The following MYSM1 variants were observed in gnomAD, a reference collection of about 807,000 sequenced individuals.
MYSM1 encodes the protein Myb like, SWIRM and MPN domains 1, also known as deubiquitinase MYSM1.
In MYSM1, 51 loss-of-function variants were observed where a neutral mutation model predicts 116.0. That is an observed-to-expected ratio of 0.44 (90% CI 0.35 to 0.56). The LOEUF (loss-of-function observed/expected upper bound fraction) is 0.56, where lower values mean the gene tolerates loss of function less well. Ranked by LOEUF, MYSM1 falls within the 20% of genes least tolerant of loss-of-function variation. MYSM1 has a pLI of 0.00. For missense variants in MYSM1, 900 were observed against 974.9 expected (o/e 0.92, Z 1.02); for synonymous variants, 313 against 315.2 (o/e 0.99, Z 0.07).
chr1:58,678,962 T>C (rs773347704), intron 8 of MYSM1, among the ~76,000 whole-genome samples: 2 of 152,198 alleles, frequency 1.3e-5, no homozygotes, highest in African/African-American at 4.8e-5. Flanking sequence ...ATTTTTCTTA[T>C]CTATAAAGTG....
intron 2 of MYSM1, among the ~76,000 whole-genome samples, chr1:58,694,697 C>A (rs1485354209): frequency 6.6e-6 from 1 of 151,296 alleles, no homozygotes; most frequent in Non-Finnish European, 1.5e-5. Context: ...GAGACCGGGT[C>A]TCATTCTGTT....
intron 9 of MYSM1, 46 bp from the exon 10 acceptor site, chr1:58,675,626 C>A (rs1219821971): frequency 6.8e-7 from 1 of 1,479,702 alleles, no homozygotes; most frequent in Non-Finnish European, 9.3e-7. Flanking sequence ...TTTTGTGAAA[C>A]TCATTTGTTA....
At chr1:58,679,934 G>A (rs917058947) in intron 8 of MYSM1, among the ~76,000 whole-genome samples, 4 of 149,562 alleles carry the variant, frequency 2.7e-5, no homozygotes, top group Non-Finnish European at 5.9e-5. Context: ...AGCTGAGGCA[G>A]AAGAATCACT....
rs767007294 is a variant in MYSM1, at chr1:58,660,072, C to T, written c.2412G>A (p.Leu804=). Residue 804 remains leucine, a synonymous_variant, in exon 20 of 20, where the codon TTG becomes TTA. Coordinates refer to ENST00000472487, the MANE Select transcript of MYSM1 (RefSeq NM_001085487.3). ...AEEFLTEIEN[L]FLSNYKSNQE... is the part of the protein sequence containing the mutation. ...GGTTGCTTTTATAATTGGAAAGGAA[C>T]AAATTTTCTATTTCAGTCAAGAATT... The T allele has an allele frequency of 1.7e-5, 28 of 1,610,874 alleles. No homozygotes were observed. The highest frequency in any genetic ancestry group is 2.2e-5 in the Non-Finnish European group (26 of 1,178,140).
In MYSM1 at chr1:58,695,176, T is replaced by C. The variant is rs1318767996; in HGVS notation, c.100A>G (p.Lys34Glu). The C allele has an allele frequency of 6.2e-7, 1 of 1,605,446 alleles. No homozygotes were observed. ...SGENTASVLQ[K>E]DHYLDSSWRT... ...CAAGATGAATCAAGATAGTGATCTT[T>C]TTGTAAAACTGATGCTGTATTTTCA... is the stretch of plus-strand genomic sequence containing the variant. The change falls in exon 2 of 20, where the codon AAA (lysine) becomes GAA (glutamate). Residue 34 changes from lysine (K) to glutamate (E), a missense_variant. Coordinates refer to ENST00000472487, the MANE Select transcript of MYSM1 (RefSeq NM_001085487.3).
intron 12 of MYSM1, among the ~76,000 whole-genome samples, chr1:58,669,891 A>T (rs952763588): frequency 6.6e-6 from 1 of 151,010 alleles, no homozygotes; most frequent in African/African-American, 2.4e-5. Context: ...AAAAGAGGTG[A>T]AAAAGAGAGA....
chr1:58,693,399 C>T (rs1322173475), intron 2 of MYSM1, among the ~76,000 whole-genome samples: 2 of 152,142 alleles, frequency 1.3e-5, no homozygotes, highest in Non-Finnish European at 2.9e-5. Context: ...GGCCATAATA[C>T]CCAACAGCCC....
intron 19 of MYSM1, among the ~76,000 whole-genome samples, chr1:58,660,798 TATTTAA>T (rs1294572558): frequency 6.6e-6 from 1 of 152,128 alleles, no homozygotes; most frequent in Non-Finnish European, 1.5e-5. Flanking sequence ...ATAAAATGAC[TATTTAA>T]ATTTAATTGT....
At chr1:58,687,398 G>A (rs1644842333) in intron 6 of MYSM1, among the ~76,000 whole-genome samples, 1 of 152,038 alleles carries the variant, frequency 6.6e-6, no homozygotes, top group South Asian at 2.1e-4. Context: ...ATAACTTTAG[G>A]AACCTTTTGA....
rs1184486071 is a variant in MYSM1 at position 58,659,297 on chromosome 1, C to T, written c.*700G>A. The T allele has an allele frequency of 5.3e-5, 8 of 152,066 alleles. No homozygotes were observed. Among genetic ancestry groups the T allele is most frequent in the Non-Finnish European group, 1.0e-4 (7 of 68,024 alleles). The allele number at this position is 152,066 out of a possible 1,614,324, so 9.4% of individuals were successfully genotyped here. On this transcript the variant is annotated 3_prime_UTR_variant, in exon 20 of 20. Transcript: ENST00000472487. ...TCACACCTACTAATGTAAGTGGACTCACAATTGAAGCTAATTATTTTATGT... is the reference window on the plus strand; with the variant it reads ...TCACACCTACTAATGTAAGTGGACTTACAATTGAAGCTAATTATTTTATGT...
intron 17 of MYSM1, among the ~76,000 whole-genome samples, chr1:58,663,343 AT>A (rs1261729058): frequency 7.2e-5 from 11 of 152,152 alleles, no homozygotes; most frequent in African/African-American, 2.7e-4. Context: ...TATAGAGAAT[AT>A]TTTTATCCAC....
intron 10 of MYSM1, among the ~76,000 whole-genome samples, chr1:58,674,182 CA>C (rs1288564753): frequency 1.3e-5 from 2 of 151,946 alleles, no homozygotes; most frequent in African/African-American, 4.8e-5. Context: ...TTTTTAAGAT[CA>C]AAAAGAACCA....
chr1:58,664,525 T>C (rs1644439607), intron 17 of MYSM1, among the ~76,000 whole-genome samples: 1 of 152,166 alleles, frequency 6.6e-6, no homozygotes, highest in Non-Finnish European at 1.5e-5. Flanking sequence ...AAAGTGACCA[T>C]GAAGGCAGGA....
chr1:58,659,684 C>T lies in MYSM1; in HGVS notation c.*313G>A, dbSNP rs1644364390. 1 of 185,652 alleles carries T rather than the reference C, an allele frequency of 5.4e-6. No homozygotes were observed. Among genetic ancestry groups the T allele is most frequent in the Non-Finnish European group, 1.1e-5 (1 of 91,122 alleles). The allele number at this position is 185,652 out of a possible 1,614,324, so 11.5% of individuals were successfully genotyped here. ...GTTCAGGGAAGAAATGACTTAGAGA[C>T]ATAGTCCAAATCCCAAGCTGAACAC... On this transcript the variant is annotated 3_prime_UTR_variant, in exon 20 of 20. Transcript: ENST00000472487.
chr1:58,664,549 G>A (rs904216128), intron 17 of MYSM1, among the ~76,000 whole-genome samples: 4 of 152,160 alleles, frequency 2.6e-5, no homozygotes, highest in Non-Finnish European at 5.9e-5. Context: ...AAGTGTTGCA[G>A]ATACATAAAG....
intron 12 of MYSM1, among the ~76,000 whole-genome samples, chr1:58,669,608 C>T (rs572778867): frequency 6.6e-6 from 1 of 152,132 alleles, no homozygotes; most frequent in African/African-American, 2.4e-5. Context: ...GGGCAGACCC[C>T]TTGAGCCTAG....
Position 58,673,632 on chromosome 1 carries a change from C to A in MYSM1, c.1513G>T (p.Val505Phe). The change falls in exon 11 of 20, where the codon GTC (valine) becomes TTC (phenylalanine). Residue 505 changes from valine to phenylalanine, a missense_variant. This residue lies in a region of MYSM1 where 622 missense variants were observed against 623.7 expected (regional missense o/e 1.00). Transcript: ENST00000472487. ...LQSMRTRRRR[V>F]RDPWGNWCDA... ...CACCAGTTTCCCCATGGGTCTCGGA[C>A]CCTACGTCTCCTTGTACGCTGCGAT... 6.2e-7 allele frequency: 1 copy of A among 1,613,954 alleles called. No individual in the cohort carries two copies. The highest frequency in any genetic ancestry group is 8.5e-7 in the Non-Finnish European group (1 of 1,179,898).
intron 5 of MYSM1, 42 bp downstream of exon 5, chr1:58,690,184 C>A: frequency 7.1e-7 from 1 of 1,411,138 alleles, no homozygotes; most frequent in Admixed American, 2.7e-5. Flanking sequence ...TAATTTTTAA[C>A]TAATGAAAAC....
rs1430303058 is a variant in MYSM1 at position 58,669,852 on chromosome 1, A to AC, written c.1662-815_1662-814insG. Among the ~76,000 whole-genome samples the AC allele has an allele frequency of 3.0e-3, 444 of 148,430 alleles. 37 individuals carry two copies. Among genetic ancestry groups the AC allele is most frequent in the African/African-American group, 9.8e-3 (392 of 40,134 alleles). ...CCCTGTCTCCAAAAAAAAAAAAAAA[A>AC]AAAAAAAAAACAAAAAAGTGAAAAA... On this transcript the variant is annotated intron_variant, in intron 12 of 19. Coordinates refer to ENST00000472487, the MANE Select transcript of MYSM1 (RefSeq NM_001085487.3).
Sources: allele counts gnomAD v4.1 joint callset (sites outside exome capture counted in the v4.1 genomes callset), GRCh38; gene constraint gnomAD v4.1.1; regional missense constraint gnomAD v4.1.1; transcripts MANE v1.5; gene names NCBI Gene and HGNC (gene_info 2026-07-23, HGNC 2026-07-21).